SWI5: variants seen among roughly 807,000 people sequenced by gnomAD.
The protein encoded by SWI5 is SWI5 homologous recombination repair protein.
SWI5 carries 12 observed loss-of-function variants against 17.0 expected under a neutral mutation model. The observed-to-expected ratio is 0.71, with a 90% CI of 0.45 to 1.14. SWI5 has a LOEUF of 1.14. SWI5 is among the 50% of genes most tolerant of loss of function. SWI5 has a pLI of 0.00. For synonymous variants in SWI5, 61 were observed against 64.0 expected, an observed-to-expected ratio of 0.95 and a Z score of 0.22; for missense variants, 158 against 162.2, an observed-to-expected ratio of 0.97 and a Z score of 0.14.
upstream of SWI5, chr9:128,275,370 G>T (rs1232464608): frequency 3.9e-6 from 5 of 1,278,758 alleles, no homozygotes; most frequent in African/African-American, 7.8e-5. Context: ...CCACTCCTAG[G>T]GGGAACATCA....
At chr9:128,283,229 G>A (rs1831573438) in intron 2 of SWI5, among the ~76,000 whole-genome samples, 1 of 152,216 alleles carries the variant, frequency 6.6e-6, no homozygotes, top group Non-Finnish European at 1.5e-5. Flanking sequence ...GGCTGAGGCA[G>A]GAGAATTGCT....
intron 4 of SWI5, 26 bp downstream of exon 4, chr9:128,286,059 C>T (rs1357667242): frequency 1.3e-6 from 2 of 1,551,378 alleles, no homozygotes; most frequent in Admixed American, 3.3e-5. Context: ...TCCAGAGCCA[C>T]AAGCAGGCAT....
chr9:128,276,689 C>T lies in SWI5; in HGVS notation c.63-18C>T. The T allele has an allele frequency of 6.2e-7, 1 of 1,614,060 alleles. No homozygotes were observed. The highest frequency in any genetic ancestry group is 8.5e-7 in the Non-Finnish European group (1 of 1,179,998). On this transcript the variant is annotated intron_variant, in intron 1 of 4. Transcript: ENST00000418976. ...GGCTGTGGGTCCAATCAGACTTTCC[C>T]CTCGGATTCCTCTCTAGGACTGAAC...
At position 128,288,524 on chromosome 9, in the gene SWI5, T is replaced by C. The variant is rs1831684069; in HGVS notation, c.329-128T>C. 20 of 931,650 alleles carry C rather than the reference T, an allele frequency of 2.1e-5. No individual in the cohort carries two copies. The South Asian group carries it at 2.9e-4, about 14-fold the overall frequency. 57.7% of individuals were successfully genotyped at this position (931,650 alleles called of 1,614,324 possible). ...CTTGGCCAGTTAGGCAAGGCACAAG[T>C]GTGGGGACTGGCTTGAAGCCAGAGG... On this transcript the variant is annotated intron_variant, in intron 4 of 4. Transcript: ENST00000418976.
chr9:128,278,490 C>T (rs1831475906), intron 2 of SWI5: 1 of 363,008 alleles, frequency 2.8e-6, no homozygotes, highest in Non-Finnish European at 5.4e-6. Flanking sequence ...TCGCTTGAAC[C>T]CAGGGGGTGG....
At position 128,279,094 on chromosome 9, in the gene SWI5, C is replaced by T. The variant is rs572590490; in HGVS notation, c.111+2339C>T. ...CTTGAACTGAACTCTTAAGCGGTAC[C>T]TTGGGCTTGCTCCTCTCTGGGCCTA... On this transcript the variant is annotated intron_variant, in intron 2 of 4. Coordinates refer to ENST00000418976, the Ensembl canonical transcript of SWI5. Among the ~76,000 whole-genome samples the T allele has an allele frequency of 7.9e-5, 12 of 152,208 alleles. No homozygotes were observed. The East Asian group carries it at 2.3e-3, about 29-fold the overall frequency.
At chr9:128,284,956 TAAAAAA>T (rs570065202) in intron 3 of SWI5, among the ~76,000 whole-genome samples, 2 of 84,970 alleles carry the variant, frequency 2.4e-5, no homozygotes, top group African/African-American at 5.1e-5. Context: ...AATCTGTCTT[TAAAAAA>T]AAAAAAAAAA....
At chr9:128,276,290 G>T (rs200269832) in exon 1 of SWI5, 17 of 1,612,840 alleles carry the variant, frequency 1.1e-5, no homozygotes, top group Non-Finnish European at 1.4e-5. Flanking sequence ...CACACTCCGG[G>T]TCAGAGTTCC....
chr9:128,281,089 G>T (rs1049039674), intron 2 of SWI5, among the ~76,000 whole-genome samples: 1 of 127,710 alleles, frequency 7.8e-6, no homozygotes, highest in East Asian at 2.4e-4. Context: ...CCAGGCTGGC[G>T]TGCAATGGTG....
chr9:128,284,599 G>A (rs781175313), exon 3 of SWI5: 1 of 1,613,920 alleles, frequency 6.2e-7, no homozygotes, highest in Non-Finnish European at 8.5e-7. Context: ...AGAGGGACAT[G>A]CTGGACAAGG....
At chr9:128,286,128 C>T in intron 4 of SWI5, 95 bp downstream of exon 4, 1 of 865,180 alleles carries the variant, frequency 1.2e-6, no homozygotes, top group Non-Finnish European at 1.9e-6. Context: ...CCCAGCTTGC[C>T]AACCGTCACA....
At chr9:128,275,925 G>C, upstream of SWI5, 3 of 1,592,132 alleles carry the variant, frequency 1.9e-6, no homozygotes, top group Non-Finnish European at 2.6e-6. Context: ...TTGCTCTGTC[G>C]GGTTTCTTCC....
chr9:128,276,877 AGT>A, intron 2 of SWI5, 122 bp downstream of exon 2: 1 of 1,037,066 alleles, frequency 9.6e-7, no homozygotes, highest in South Asian at 1.5e-5. Context: ...ATCTTCTCCC[AGT>A]CGACTGAGAA....
chr9:128,288,964 T>C, exon 5 of SWI5: 1 of 560,396 alleles, frequency 1.8e-6, no homozygotes, highest in South Asian at 2.2e-5. Flanking sequence ...GTACTTTATT[T>C]GTCAATAAAC....
At chr9:128,286,343 G>A (rs927538065) in intron 4 of SWI5, 5 of 295,350 alleles carry the variant, frequency 1.7e-5, no homozygotes, top group South Asian at 7.9e-5. Context: ...TCAAGATACC[G>A]TCCATGCCTC....
chr9:128,284,941 G>A lies in SWI5; in HGVS notation c.233+310G>A, dbSNP rs149477998. On this transcript the variant is annotated intron_variant, in intron 3 of 4. Transcript: ENST00000418976. ...ACTGCACTCCAGCCTGGGCGATGGA[G>A]TGAGAATCTGTCTTTAAAAAAAAAA... is the stretch of plus-strand genomic sequence containing the variant. Among the ~76,000 whole-genome samples, 282 of 131,058 alleles carry A rather than the reference G, an allele frequency of 2.2e-3. 4 individuals carry two copies. The East Asian group carries it at 0.026, about 12-fold the overall frequency. The allele number at this position is 131,058 out of a possible 152,430, so 86.0% of individuals were successfully genotyped here.
rs1472874084 is a variant in SWI5, at chr9:128,288,507, G to A, written c.329-145G>A. 6.0e-6 allele frequency: 5 copies of A among 829,124 alleles called. No individual in the cohort carries two copies. The Admixed American group carries it at 1.1e-4, about 18-fold the overall frequency. The allele number at this position is 829,124 out of a possible 1,614,324, so 51.4% of individuals were successfully genotyped here. Reference sequence around the variant, plus strand: ...AGTAGCAGGGAGCTTACCTTGGCCAGTTAGGCAAGGCACAAGTGTGGGGAC... The same window carrying A: ...AGTAGCAGGGAGCTTACCTTGGCCAATTAGGCAAGGCACAAGTGTGGGGAC... On this transcript the variant is annotated intron_variant, in intron 4 of 4. Coordinates refer to ENST00000418976, the Ensembl canonical transcript of SWI5.
At chr9:128,287,141 C>CAA (rs35520517) in intron 4 of SWI5, among the ~76,000 whole-genome samples, 28 of 50,302 alleles carry the variant, frequency 5.6e-4, no homozygotes, top group Non-Finnish European at 7.1e-4. Flanking sequence ...AACTCCATCT[C>CAA]AAAAAAAAAA....
At chr9:128,284,956 TAAAAA>T (rs570065202) in intron 3 of SWI5, among the ~76,000 whole-genome samples, 2 of 84,968 alleles carry the variant, frequency 2.4e-5, no homozygotes, top group Admixed American at 1.4e-4. Flanking sequence ...AATCTGTCTT[TAAAAA>T]AAAAAAAAAA....
Sources: gnomAD v4.1 joint callset for allele counts (sites outside exome capture counted in the v4.1 genomes callset) on GRCh38, gnomAD v4.1.1 for gene constraint, MANE v1.5 for transcripts, NCBI Gene and HGNC (gene_info 2026-07-23, HGNC 2026-07-21) for gene names.